Variants in NGEF observed in about 807,000 individuals in gnomAD.
The protein encoded by NGEF is ephexin-1.
Under a neutral mutation model 80.9 loss-of-function variants are expected in NGEF, and 31 were observed. That is an observed-to-expected ratio of 0.38 (90% CI 0.29 to 0.52). NGEF has a LOEUF of 0.52. Ranked by LOEUF, NGEF falls within the 20% of genes least tolerant of loss-of-function variation. NGEF has a pLI of 0.84. For synonymous variants in NGEF, 371 were observed against 370.2 expected, an observed-to-expected ratio of 1.00 and a Z score of -0.03; for missense variants, 709 against 926.2, an observed-to-expected ratio of 0.77 and a Z score of 3.04.
intron 1 of NGEF, among the ~76,000 whole-genome samples, chr2:232,985,715 T>C (rs1694519373): frequency 6.6e-6 from 1 of 152,038 alleles, no homozygotes; most frequent in Non-Finnish European, 1.5e-5. Flanking sequence ...ATTGTGTCAC[T>C]GCACTCCAGC....
At chr2:232,968,288 A>G (rs1450968448) in intron 3 of NGEF, among the ~76,000 whole-genome samples, 1 of 151,780 alleles carries the variant, frequency 6.6e-6, no homozygotes, top group East Asian at 1.9e-4. Flanking sequence ...GGGTTTCTCT[A>G]TGTTGGTCAG....
chr2:232,950,173 C>A (rs1006033333), intron 3 of NGEF, among the ~76,000 whole-genome samples: 3 of 152,156 alleles, frequency 2.0e-5, no homozygotes, highest in African/African-American at 7.2e-5. Context: ...GTTTACATTT[C>A]TTTCTTTACT....
chr2:232,888,546 T>TACAC (rs58140965), intron 8 of NGEF, among the ~76,000 whole-genome samples: 94,387 of 151,218 alleles, frequency 0.62, 29,633 homozygotes, highest in African/African-American at 0.67. Context: ...TGCATGCACA[T>TACAC]ACATGCATAC....
intron 5 of NGEF, among the ~76,000 whole-genome samples, chr2:232,897,514 C>T (rs1692138431): frequency 6.6e-6 from 1 of 152,136 alleles, no homozygotes; most frequent in Non-Finnish European, 1.5e-5. Flanking sequence ...TGATGCCCGC[C>T]TGCAGGAGCT....
intron 3 of NGEF, among the ~76,000 whole-genome samples, chr2:232,941,102 G>A (rs2102788): frequency 0.75 from 114,439 of 152,032 alleles, 43,532 homozygotes; most frequent in East Asian, 0.89. Flanking sequence ...ATGAGCCAAG[G>A]GTGCTGATTG....
chr2:232,924,600 C>T (rs902227533), intron 4 of NGEF, among the ~76,000 whole-genome samples: 10 of 152,132 alleles, frequency 6.6e-5, no homozygotes, highest in Admixed American at 6.5e-5. Flanking sequence ...ACATGGCTCC[C>T]TGAGGATGTG....
intron 3 of NGEF, among the ~76,000 whole-genome samples, chr2:232,942,895 G>A (rs1044497663): frequency 3.6e-5 from 5 of 140,522 alleles, no homozygotes; most frequent in African/African-American, 1.3e-4. Context: ...CAGCAGAGAA[G>A]TGAAATTTCT....
At chr2:232,930,677 C>A (rs1693199039) in intron 3 of NGEF, among the ~76,000 whole-genome samples, 1 of 152,082 alleles carries the variant, frequency 6.6e-6, no homozygotes, top group East Asian at 1.9e-4. Flanking sequence ...TAATCCCATT[C>A]ATGAGGGATC....
rs966804066 is a variant in NGEF at position 232,975,027 on chromosome 2, T to C, written c.-74-63A>G. 9 of 805,444 alleles carry C rather than the reference T, an allele frequency of 1.1e-5. No homozygotes were observed. The South Asian group carries it at 1.7e-4, about 15-fold the overall frequency. 49.9% of individuals were successfully genotyped at this position (805,444 alleles called of 1,614,324 possible). On this transcript the variant is annotated intron_variant, in intron 1 of 14. Coordinates refer to ENST00000264051, the MANE Select transcript of NGEF (RefSeq NM_019850.3). ...CAGGCTAAGTATTCTATTCAGACTGTGGAACTCCACTCCCATTCGAATTTG... is the reference window on the plus strand; with the variant it reads ...CAGGCTAAGTATTCTATTCAGACTGCGGAACTCCACTCCCATTCGAATTTG...
At chr2:232,936,893 T>C (rs1279688631) in intron 3 of NGEF, among the ~76,000 whole-genome samples, 1 of 152,228 alleles carries the variant, frequency 6.6e-6, no homozygotes, top group East Asian at 1.9e-4. Context: ...AACTCTGCCG[T>C]TCATGTCAAA....
At chr2:232,992,546 C>T (rs534934137) in intron 1 of NGEF, among the ~76,000 whole-genome samples, 10 of 149,858 alleles carry the variant, frequency 6.7e-5, no homozygotes, top group South Asian at 4.3e-4. Context: ...TGAGACTGTC[C>T]GAAACAAAAC....
chr2:232,901,580 G>GCCAGTGAGCCC, intron 5 of NGEF: 1 of 263,716 alleles, frequency 3.8e-6, no homozygotes, highest in Non-Finnish European at 5.9e-6. Context: ...CTGAAGGGCG[G>GCCAGTGAGCCC]GCTCACTGGC....
At chr2:232,890,618 A>C (rs1691851286) in intron 8 of NGEF, among the ~76,000 whole-genome samples, 1 of 151,584 alleles carries the variant, frequency 6.6e-6, no homozygotes, top group Non-Finnish European at 1.5e-5. Flanking sequence ...GCACACCCCC[A>C]AACTGCTCAA....
intron 5 of NGEF, chr2:232,905,975 T>A (rs1575007542): frequency 1.0e-5 from 1 of 99,222 alleles, no homozygotes; most frequent in East Asian, 3.4e-4. Context: ...TACTGGGAAG[T>A]GAGGAGCCCC....
At chr2:232,935,560 G>T (rs2106292334) in intron 3 of NGEF, among the ~76,000 whole-genome samples, 1 of 152,322 alleles carries the variant, frequency 6.6e-6, no homozygotes, top group African/African-American at 2.4e-5. Flanking sequence ...GGAGGTTACA[G>T]TGAGCGGAGA....
At chr2:232,992,301 T>C (rs1032938411) in intron 1 of NGEF, among the ~76,000 whole-genome samples, 3 of 152,096 alleles carry the variant, frequency 2.0e-5, no homozygotes, top group Non-Finnish European at 2.9e-5. Context: ...CTCATGCCTG[T>C]AATCTCAGCA....
chr2:232,995,356 C>CTGTGTACAGTA lies in NGEF; in HGVS notation c.-75+17711_-75+17712insTACTGTACACA, dbSNP rs1553559969. ...ATGTATACTATATACAGTATGTATA[C>CTGTGTACAGTA]TGTATACTGTATATATATACACAGT... On this transcript the variant is annotated intron_variant, in intron 1 of 14. Transcript: ENST00000264051. Among the ~76,000 whole-genome samples, 6 of 7,378 alleles carry CTGTGTACAGTA rather than the reference C, an allele frequency of 8.1e-4. 3 individuals are homozygous for CTGTGTACAGTA. The African/African-American group carries it at 8.7e-3, about 11-fold the overall frequency. 4.8% of individuals were successfully genotyped at this position (7,378 alleles called of 152,430 possible).
intron 1 of NGEF, among the ~76,000 whole-genome samples, chr2:233,003,877 G>A (rs754912501): frequency 6.6e-6 from 1 of 152,186 alleles, no homozygotes; most frequent in Non-Finnish European, 1.5e-5. Context: ...ATTGGTGGTT[G>A]TGCCCCTGGC....
intron 5 of NGEF, among the ~76,000 whole-genome samples, chr2:232,904,972 C>G (rs1293905437): frequency 6.6e-6 from 1 of 152,212 alleles, no homozygotes; most frequent in African/African-American, 2.4e-5. Flanking sequence ...AAACAACAAA[C>G]TATTAATAAG....
Sources: gnomAD v4.1 joint callset for allele counts (sites outside exome capture counted in the v4.1 genomes callset) on GRCh38, gnomAD v4.1.1 for gene constraint, MANE v1.5 for transcripts, NCBI Gene and HGNC (gene_info 2026-07-23, HGNC 2026-07-21) for gene names.